Variants in FAM184B observed in about 807,000 individuals in gnomAD.
The protein encoded by FAM184B is protein FAM184B.
Under a neutral mutation model 135.9 loss-of-function variants are expected in FAM184B, and 111 were observed. The observed-to-expected ratio is 0.82, with a 90% CI of 0.70 to 0.96. The LOEUF is 0.96. Ranked by LOEUF, FAM184B falls within the 40% of genes least tolerant of loss-of-function variation. The pLI is 0.00. For synonymous variants in FAM184B, 552 were observed against 524.8 expected, an observed-to-expected ratio of 1.05 and a Z score of -0.71; for missense variants, 1,375 against 1,323.9, an observed-to-expected ratio of 1.04 and a Z score of -0.60.
rs753042649 is a variant in FAM184B, at chr4:17,635,058, C to T, written c.2840G>A (p.Arg947Gln). ...AFPSAMSHRN[R>Q]SFSFNPHPGY... The stretch of plus-strand genomic sequence containing the variant: ...CGGGTGAGGATTGAAAGAGAAAGAC[C>T]GATTCCGGTGGGACATGGCACTGGG... Residue 947 changes from arginine to glutamine, a missense_variant, in exon 16 of 18, where the codon CGG becomes CAG. Transcript: ENST00000265018. 1.1e-5 allele frequency: 17 copies of T among 1,551,762 alleles called. No individual in the cohort carries two copies. Among genetic ancestry groups the T allele is most frequent in the East Asian group, 4.9e-5 (2 of 40,910 alleles).
intron 1 of FAM184B, among the ~76,000 whole-genome samples, chr4:17,711,852 C>G (rs1717280114): frequency 6.6e-6 from 1 of 152,084 alleles, no homozygotes; most frequent in Admixed American, 6.5e-5. Context: ...GGAGCTCTCA[C>G]CTTGTAGACA....
chr4:17,709,380 C>T lies in FAM184B; in HGVS notation c.406G>A (p.Val136Met), dbSNP rs1717196198. ...ACTCGCTCGGCGTGCTCTGCCTCCA[C>T]CCTCAGCTCTCTCTCCTTCGTCTCC... ...RLETKERELR[V>M]EAEHAERVLT... Residue 136 changes from valine (V) to methionine (M), a missense_variant, in exon 2 of 18, where the codon GTG (valine) becomes ATG (methionine). By Grantham distance (21) the Val-to-Met change is conservative. Transcript: ENST00000265018. The T allele has an allele frequency of 6.5e-7, 1 of 1,532,738 alleles. No individual in the cohort carries two copies. Among genetic ancestry groups the T allele is most frequent in the Non-Finnish European group, 8.8e-7 (1 of 1,135,594 alleles). 94.9% of individuals were successfully genotyped at this position (1,532,738 alleles called of 1,614,324 possible).
chr4:17,675,839 G>C (rs1001638597), intron 7 of FAM184B, among the ~76,000 whole-genome samples: 1 of 152,096 alleles, frequency 6.6e-6, no homozygotes, highest in African/African-American at 2.4e-5. Context: ...ACTCTCTCTG[G>C]CTTCATAGAA....
At chr4:17,717,313 G>T (rs755313485) in intron 1 of FAM184B, among the ~76,000 whole-genome samples, 35 of 152,152 alleles carry the variant, frequency 2.3e-4, no homozygotes, top group Admixed American at 1.3e-3. Flanking sequence ...CAAAGGAAAG[G>T]TCCCATGTTT....
intron 1 of FAM184B, among the ~76,000 whole-genome samples, chr4:17,713,233 A>C (rs1053417422): frequency 6.6e-6 from 1 of 152,224 alleles, no homozygotes; most frequent in Non-Finnish European, 1.5e-5. Flanking sequence ...AATGTAACTC[A>C]AGGTGCGATA....
intron 1 of FAM184B, among the ~76,000 whole-genome samples, chr4:17,725,931 T>C (rs927914291): frequency 6.7e-6 from 1 of 148,976 alleles, no homozygotes; most frequent in Non-Finnish European, 1.5e-5. Context: ...AAACTCTTCT[T>C]TTTTTTTTTT....
At chr4:17,647,604 G>T (rs1170066575) in intron 12 of FAM184B, 33 bp downstream of exon 12, 1 of 1,536,726 alleles carries the variant, frequency 6.5e-7, no homozygotes, top group Non-Finnish European at 8.8e-7. Context: ...GCTCTGGGAG[G>T]GGTATTGCTG....
intron 5 of FAM184B, among the ~76,000 whole-genome samples, chr4:17,695,164 T>C (rs201088752): frequency 7.9e-5 from 10 of 125,828 alleles, no homozygotes; most frequent in Admixed American, 5.2e-4. Flanking sequence ...TCTTTGTTGT[T>C]TTTTTTTTTT....
intron 7 of FAM184B, among the ~76,000 whole-genome samples, chr4:17,675,653 A>G (rs1284013390): frequency 6.6e-6 from 1 of 152,154 alleles, no homozygotes; most frequent in Non-Finnish European, 1.5e-5. Flanking sequence ...CTACATTGAA[A>G]ATCTGTTGTT....
intron 1 of FAM184B, among the ~76,000 whole-genome samples, chr4:17,726,755 G>A (rs1021012369): frequency 9.2e-5 from 14 of 152,096 alleles, no homozygotes; most frequent in Admixed American, 2.0e-4. Flanking sequence ...GTAGGCTCTT[G>A]ACAAAGTAGC....
intron 7 of FAM184B, among the ~76,000 whole-genome samples, chr4:17,685,041 T>C (rs927922210): frequency 6.6e-6 from 1 of 151,532 alleles, no homozygotes; most frequent in African/African-American, 2.4e-5. Context: ...TGGGGCCTGT[T>C]GAGGGAGGGT....
intron 1 of FAM184B, among the ~76,000 whole-genome samples, chr4:17,721,102 C>T (rs1207880381): frequency 3.3e-5 from 5 of 150,432 alleles, no homozygotes; most frequent in South Asian, 2.1e-4. Flanking sequence ...TAAAAAATCT[C>T]GGCTGGGCGC....
intron 7 of FAM184B, among the ~76,000 whole-genome samples, chr4:17,681,803 A>G (rs1716447626): frequency 6.6e-6 from 1 of 152,006 alleles, no homozygotes; most frequent in Non-Finnish European, 1.5e-5. Flanking sequence ...TGGTGAAGTC[A>G]TGTTCAGATT....
chr4:17,744,569 T>C (rs1462965865), intron 1 of FAM184B, among the ~76,000 whole-genome samples: 1 of 151,210 alleles, frequency 6.6e-6, no homozygotes, highest in Non-Finnish European at 1.5e-5. Context: ...GAGTTGCTCC[T>C]CCCATGTAAC....
At chr4:17,682,566 T>C (rs1324477647) in intron 7 of FAM184B, among the ~76,000 whole-genome samples, 1 of 152,192 alleles carries the variant, frequency 6.6e-6, no homozygotes, top group Non-Finnish European at 1.5e-5. Context: ...TGGCACAGTC[T>C]TGGCTCACTG....
intron 1 of FAM184B, among the ~76,000 whole-genome samples, chr4:17,736,867 T>C (rs1477121018): frequency 6.6e-6 from 1 of 152,176 alleles, no homozygotes; most frequent in Non-Finnish European, 1.5e-5. Context: ...AGGGGAGGCC[T>C]AGTGCAGTGG....
chr4:17,665,129 A>G (rs989339395), intron 7 of FAM184B, among the ~76,000 whole-genome samples: 8 of 152,146 alleles, frequency 5.3e-5, no homozygotes, highest in Non-Finnish European at 1.2e-4. Flanking sequence ...ACCTGAGAAC[A>G]ATGCTGGCTC....
intron 1 of FAM184B, among the ~76,000 whole-genome samples, chr4:17,742,026 T>C (rs1266156460): frequency 6.6e-6 from 1 of 151,834 alleles, no homozygotes; most frequent in Non-Finnish European, 1.5e-5. Context: ...CTGTACCACA[T>C]TGTACCTACA....
intron 1 of FAM184B, among the ~76,000 whole-genome samples, chr4:17,776,622 C>T (rs1322679845): frequency 6.6e-6 from 1 of 152,160 alleles, no homozygotes; most frequent in Non-Finnish European, 1.5e-5. Flanking sequence ...AAACTCCCGA[C>T]CTCAGGTGAT....
Sources: allele counts gnomAD v4.1 joint callset (sites outside exome capture counted in the v4.1 genomes callset), GRCh38; gene constraint gnomAD v4.1.1; transcripts MANE v1.5; gene names NCBI Gene and HGNC (gene_info 2026-07-23, HGNC 2026-07-21).